Variants in SCML2 observed in about 807,000 individuals in gnomAD.
The protein encoded by SCML2 is sex comb on midleg-like protein 2.
In SCML2, 6 loss-of-function variants were observed where a neutral mutation model predicts 48.4. That is an observed-to-expected ratio of 0.12 (90% CI 0.07 to 0.24). The LOEUF is 0.24. Among genes scored for constraint, SCML2 ranks in the 10% least tolerant of loss-of-function variants. SCML2 has a pLI of 1.00. For missense variants in SCML2, 377 were observed against 528.2 expected, an observed-to-expected ratio of 0.71 and a Z score of 2.81; for synonymous variants, 181 against 189.5, an observed-to-expected ratio of 0.95 and a Z score of 0.37.
chrX:18,341,165 C>T, intron 1 of SCML2: 1 of 340,008 alleles, frequency 2.9e-6, no homozygotes, highest in Admixed American at 4.7e-5. Context: ...GCACTGGTCC[C>T]CAGCCCCAGG....
At chrX:18,330,310 T>C (rs1345159269) in intron 3 of SCML2, among the ~76,000 whole-genome samples, 1 of 112,082 alleles carries the variant, frequency 8.9e-6, no homozygotes, top group African/African-American at 3.2e-5. Flanking sequence ...TGGTAATACA[T>C]GGCAATTAAT....
intron 12 of SCML2, 54 bp from the exon 13 acceptor site, chrX:18,246,882 C>A: frequency 9.1e-7 from 1 of 1,096,003 alleles, no homozygotes; most frequent in South Asian, 2.1e-5. Context: ...AATTCAAATA[C>A]TACTAAAAGG....
intron 6 of SCML2, among the ~76,000 whole-genome samples, chrX:18,312,837 G>A (rs975280532): frequency 3.6e-5 from 4 of 110,996 alleles, no homozygotes; most frequent in Admixed American, 9.6e-5. Flanking sequence ...AAGAGGTCTG[G>A]GGTAGAAATA....
chrX:18,293,282 G>A (rs1410473793), intron 7 of SCML2, among the ~76,000 whole-genome samples: 1 of 111,386 alleles, frequency 9.0e-6, no homozygotes, highest in East Asian at 2.8e-4. Context: ...CTCAAAAAGA[G>A]TATTTCACTG....
intron 7 of SCML2, among the ~76,000 whole-genome samples, chrX:18,274,875 G>C (rs766384090): frequency 9.0e-6 from 1 of 111,503 alleles, no homozygotes; most frequent in Non-Finnish European, 1.9e-5. Flanking sequence ...CCTTTAGTCT[G>C]ATAAGAAACA....
chrX:18,246,412 T>C (rs1023299118), intron 13 of SCML2, among the ~76,000 whole-genome samples, 165 bp downstream of exon 13: 3 of 112,149 alleles, frequency 2.7e-5, no homozygotes, highest in Non-Finnish European at 5.6e-5. Flanking sequence ...GTCAAGAGGA[T>C]TGGAGGATCC....
chrX:18,284,214 T>C (rs1311745421), intron 7 of SCML2, among the ~76,000 whole-genome samples: 1 of 112,483 alleles, frequency 8.9e-6, no homozygotes, highest in Non-Finnish European at 1.9e-5. Flanking sequence ...GCTAGCCATA[T>C]GCAGAAGAAT....
intron 8 of SCML2, among the ~76,000 whole-genome samples, chrX:18,260,684 A>G (rs1459357999): frequency 9.1e-6 from 1 of 110,204 alleles, no homozygotes; most frequent in Admixed American, 9.5e-5. Flanking sequence ...AATAGAAAAA[A>G]AATCTCAGCA....
chrX:18,262,788 CT>C (rs777291315), intron 8 of SCML2, among the ~76,000 whole-genome samples: 6 of 109,157 alleles, frequency 5.5e-5, no homozygotes, highest in Admixed American at 9.6e-5. Flanking sequence ...TCTCAGCTCA[CT>C]GCAACCTCCA....
intron 6 of SCML2, among the ~76,000 whole-genome samples, chrX:18,316,859 G>A (rs904220934): frequency 8.9e-6 from 1 of 112,219 alleles, no homozygotes; most frequent in African/African-American, 3.2e-5. Context: ...CTGCACATGC[G>A]AGGAATCTAC....
intron 7 of SCML2, among the ~76,000 whole-genome samples, chrX:18,273,527 T>A (rs1336833853): frequency 9.0e-6 from 1 of 111,608 alleles, no homozygotes; most frequent in Non-Finnish European, 1.9e-5. Context: ...CTTGTATGCT[T>A]CCTCCCTCCA....
chrX:18,278,013 C>G (rs1323211937), intron 7 of SCML2, among the ~76,000 whole-genome samples: 1 of 111,334 alleles, frequency 9.0e-6, no homozygotes, highest in African/African-American at 3.3e-5. Context: ...CAAAAATTAG[C>G]CAGATGTGGT....
chrX:18,254,145 G>A (rs1926758530), intron 11 of SCML2, among the ~76,000 whole-genome samples: 1 of 111,863 alleles, frequency 8.9e-6, no homozygotes, highest in African/African-American at 3.2e-5. Context: ...TTTTCTCTAT[G>A]TATACTATAC....
Position 18,241,053 on chromosome X carries a change from G to T in SCML2, c.*198C>A. ...TAAAGAAGTAGACTGGGGGAGTGGC[G>T]GCTGTGTCTCCCAAAGCTGGTTGGT... On this transcript the variant is annotated 3_prime_UTR_variant, in exon 15 of 15. Coordinates refer to ENST00000251900, the MANE Select transcript of SCML2 (RefSeq NM_006089.3). The T allele has an allele frequency of 3.9e-6, 1 of 255,965 alleles. No individual in the cohort carries two copies. The highest frequency in any genetic ancestry group is 7.0e-6 in the Non-Finnish European group (1 of 143,132). 21.1% of individuals were successfully genotyped at this position (255,965 alleles called of 1,213,427 possible).
intron 7 of SCML2, 141 bp from the exon 8 acceptor site, chrX:18,265,943 C>T: frequency 2.4e-6 from 1 of 409,148 alleles, no homozygotes. Flanking sequence ...ACTAAAAGTA[C>T]CATCTGAAAT....
intron 7 of SCML2, among the ~76,000 whole-genome samples, chrX:18,266,441 T>C (rs1301483886): frequency 8.9e-6 from 1 of 111,784 alleles, no homozygotes; most frequent in Non-Finnish European, 1.9e-5. Flanking sequence ...TAGCTACTAG[T>C]TTCCTTGTAG....
chrX:18,320,042 T>C (rs780730793), intron 6 of SCML2, among the ~76,000 whole-genome samples: 1 of 112,505 alleles, frequency 8.9e-6, no homozygotes, highest in Admixed American at 9.4e-5. Context: ...TCAATGTTAG[T>C]GAAGGTGTGG....
intron 7 of SCML2, among the ~76,000 whole-genome samples, chrX:18,286,749 T>C (rs994479240): frequency 9.0e-5 from 10 of 110,888 alleles, no homozygotes; most frequent in Non-Finnish European, 1.7e-4. Context: ...CACTTCCTAC[T>C]GTACCCAAAA....
chrX:18,312,939 G>C (rs1928997693), intron 6 of SCML2, among the ~76,000 whole-genome samples: 1 of 110,377 alleles, frequency 9.1e-6, no homozygotes, highest in African/African-American at 3.3e-5. Flanking sequence ...GGGTTTCTCA[G>C]CCTTGGCACT....
Sources: allele counts gnomAD v4.1 joint callset (sites outside exome capture counted in the v4.1 genomes callset), GRCh38; gene constraint gnomAD v4.1.1; transcripts MANE v1.5; gene names NCBI Gene and HGNC (gene_info 2026-07-23, HGNC 2026-07-21).